Variants in DMD observed in about 807,000 individuals in gnomAD.
DMD encodes dystrophin, also known as mutant dystrophin.
Under a neutral mutation model 330.1 loss-of-function variants are expected in DMD, and 63 were observed. The observed-to-expected ratio is 0.19, with a 90% confidence interval of 0.16 to 0.24. The LOEUF is 0.24. Among genes scored for constraint, DMD ranks in the 10% least tolerant of loss-of-function variants. The pLI is 1.00. For synonymous variants in DMD, 1,223 were observed against 959.8 expected, an observed-to-expected ratio of 1.27 and a Z score of -5.07; for missense variants, 3,344 against 2,684.1, an observed-to-expected ratio of 1.25 and a Z score of -5.43.
chrX:31,851,074 C>T (rs2093516271), intron 48 of DMD, among the ~76,000 whole-genome samples: 1 of 112,098 alleles, frequency 8.9e-6, no homozygotes, highest in African/African-American at 3.2e-5. Flanking sequence ...TGGAAAAACA[C>T]AACATTGTTC....
At chrX:31,525,303 T>G (rs1449269608) in intron 55 of DMD, among the ~76,000 whole-genome samples, 1 of 112,026 alleles carries the variant, frequency 8.9e-6, no homozygotes, top group Non-Finnish European at 1.9e-5. Context: ...TTTTAAAACA[T>G]AACATGACAA....
chrX:31,947,453 T>G (rs1226025056), intron 45 of DMD, among the ~76,000 whole-genome samples: 1 of 111,726 alleles, frequency 9.0e-6, no homozygotes, highest in Non-Finnish European at 1.9e-5. Context: ...ACAGCTTTAT[T>G]AAGTATTTAA....
intron 53 of DMD, among the ~76,000 whole-genome samples, chrX:31,659,184 C>A (rs16989773): frequency 0.081 from 9,008 of 111,176 alleles, 892 homozygotes; most frequent in African/African-American, 0.28. Context: ...TGCTGGGGAC[C>A]GTTATCTATT....
intron 44 of DMD, among the ~76,000 whole-genome samples, chrX:32,060,057 C>T (rs183905322): frequency 5.4e-5 from 6 of 110,693 alleles, no homozygotes; most frequent in African/African-American, 1.3e-4. Flanking sequence ...AGAAGTTGAC[C>T]TGTCTGCTCG....
intron 47 of DMD, among the ~76,000 whole-genome samples, chrX:31,917,402 A>G (rs2094622990): frequency 8.9e-6 from 1 of 112,383 alleles, no homozygotes; most frequent in South Asian, 3.7e-4. Flanking sequence ...AAGCACTTCT[A>G]ATATTAAACT....
At chrX:33,128,652 G>T (rs955659291) in intron 1 of DMD, among the ~76,000 whole-genome samples, 1 of 111,850 alleles carries the variant, frequency 8.9e-6, no homozygotes, top group South Asian at 3.7e-4. Flanking sequence ...ACGTGAACTC[G>T]ACAGTGCACT....
At chrX:31,205,592 G>C (rs2043987340) in intron 66 of DMD, among the ~76,000 whole-genome samples, 1 of 112,276 alleles carries the variant, frequency 8.9e-6, no homozygotes, top group African/African-American at 3.2e-5. Context: ...AAAGCACACA[G>C]GTATCCCATC....
At chrX:32,781,326 G>A (rs1190099643) in intron 7 of DMD, among the ~76,000 whole-genome samples, 2 of 110,642 alleles carry the variant, frequency 1.8e-5, no homozygotes. Flanking sequence ...TTGAAGGTTA[G>A]GAATTTTACG....
intron 44 of DMD, among the ~76,000 whole-genome samples, chrX:32,036,704 A>C (rs1175488049): frequency 1.8e-5 from 2 of 111,718 alleles, no homozygotes; most frequent in Non-Finnish European, 3.8e-5. Context: ...TCAACATAAG[A>C]ATGGTAATTG....
intron 44 of DMD, among the ~76,000 whole-genome samples, chrX:32,055,156 C>T (rs1047792155): frequency 9.0e-5 from 10 of 110,932 alleles, no homozygotes; most frequent in Admixed American, 8.6e-4. Flanking sequence ...TGCTCATTGA[C>T]GAAAATCTCG....
chrX:32,650,714 T>G (rs775612136), intron 9 of DMD, among the ~76,000 whole-genome samples: 1 of 112,138 alleles, frequency 8.9e-6, no homozygotes, highest in Non-Finnish European at 1.9e-5. Context: ...ATTTTTAATA[T>G]AGATAGGGCC....
At chrX:31,464,968 C>T (rs1402392861) in intron 59 of DMD, among the ~76,000 whole-genome samples, 3 of 112,310 alleles carry the variant, frequency 2.7e-5, no homozygotes, top group Admixed American at 9.4e-5. Context: ...GCATGGTAAA[C>T]GAAGGTTCTG....
chrX:31,208,774 G>T (rs748603951), intron 65 of DMD, among the ~76,000 whole-genome samples: 6 of 110,207 alleles, frequency 5.4e-5, no homozygotes, highest in Non-Finnish European at 9.5e-5. Context: ...TAATAATTTT[G>T]AGATCTAAGA....
At chrX:32,166,191 A>G (rs1051919657) in intron 44 of DMD, among the ~76,000 whole-genome samples, 18 of 111,468 alleles carry the variant, frequency 1.6e-4, no homozygotes, top group African/African-American at 5.6e-4. Flanking sequence ...ATGGTGGTTC[A>G]TGCCTGTAAT....
chrX:32,226,824 T>C (rs2097149357), intron 43 of DMD, among the ~76,000 whole-genome samples: 1 of 111,158 alleles, frequency 9.0e-6, no homozygotes, highest in African/African-American at 3.3e-5. Flanking sequence ...TAGTAATCTA[T>C]AAATTTTTAA....
At chrX:31,956,583 G>T (rs1340221749) in intron 45 of DMD, among the ~76,000 whole-genome samples, 1 of 112,029 alleles carries the variant, frequency 8.9e-6, no homozygotes, top group Non-Finnish European at 1.9e-5. Context: ...AATACGGAAA[G>T]TGTTCAGTTA....
chrX:31,845,330 T>C (rs1440453990), intron 48 of DMD, among the ~76,000 whole-genome samples: 1 of 108,302 alleles, frequency 9.2e-6, no homozygotes, highest in Non-Finnish European at 1.9e-5. Flanking sequence ...TCTGTTAACA[T>C]AAATATGTAC....
At chrX:32,547,734 C>T (rs142285403) in intron 16 of DMD, among the ~76,000 whole-genome samples, 132 of 110,876 alleles carry the variant, frequency 1.2e-3, no homozygotes, top group African/African-American at 3.9e-3. Context: ...AGAGGGACTA[C>T]GAAGGCCATT....
intron 41 of DMD, among the ~76,000 whole-genome samples, chrX:32,334,483 T>C (rs937454834): frequency 1.9e-4 from 21 of 111,511 alleles, no homozygotes; most frequent in African/African-American, 6.8e-4. Flanking sequence ...TCAAAATGAG[T>C]TGCTTTTATT....
Sources: gnomAD v4.1 joint callset for allele counts (sites outside exome capture counted in the v4.1 genomes callset) on GRCh38, gnomAD v4.1.1 for gene constraint, MANE v1.5 for transcripts, NCBI Gene and HGNC (gene_info 2026-07-23, HGNC 2026-07-21) for gene names.